Variants in INPP4B observed in about 807,000 individuals in gnomAD.
The protein encoded by INPP4B is inositol polyphosphate 4-phosphatase type II.
In INPP4B, 55 loss-of-function variants were observed where a neutral mutation model predicts 122.5. The observed-to-expected ratio is 0.45, with a 90% CI of 0.36 to 0.56. The LOEUF is 0.56. INPP4B is among the 20% of genes least tolerant of loss of function. INPP4B has a pLI of 0.00. For synonymous variants in INPP4B, 403 were observed against 388.7 expected (o/e 1.04, Z -0.43); for missense variants, 1,000 against 1,097.7 (o/e 0.91, Z 1.26).
chr4:142,275,481 A>G (rs1402944418), intron 9 of INPP4B, among the ~76,000 whole-genome samples: 1 of 151,844 alleles, frequency 6.6e-6, no homozygotes, highest in Admixed American at 6.6e-5. Flanking sequence ...ACATGTAAGC[A>G]GAAATGAAAA....
intron 23 of INPP4B, among the ~76,000 whole-genome samples, chr4:142,101,459 CTGATA>C (rs760707689): frequency 6.6e-6 from 1 of 152,130 alleles, no homozygotes; most frequent in Non-Finnish European, 1.5e-5. Flanking sequence ...ACTCTTCTCT[CTGATA>C]TATGTACCAA....
chr4:142,108,760 T>C (rs1788491638), intron 22 of INPP4B, among the ~76,000 whole-genome samples: 1 of 152,158 alleles, frequency 6.6e-6, no homozygotes, highest in Non-Finnish European at 1.5e-5. Flanking sequence ...CACGTAGTCT[T>C]CCACCAAGAG....
At chr4:142,253,235 G>A (rs987880658) in intron 11 of INPP4B, among the ~76,000 whole-genome samples, 2 of 152,186 alleles carry the variant, frequency 1.3e-5, no homozygotes, top group Non-Finnish European at 2.9e-5. Context: ...AGTGGTGGGT[G>A]AATGTGAAGT....
intron 1 of INPP4B, among the ~76,000 whole-genome samples, chr4:142,770,788 C>T (rs1366216195): frequency 6.6e-5 from 10 of 151,940 alleles, no homozygotes; most frequent in Admixed American, 6.6e-4. Context: ...GTGTGGTATC[C>T]GCTTCCAAGG....
At chr4:142,113,131 T>C (rs1791092388) in intron 21 of INPP4B, among the ~76,000 whole-genome samples, 1 of 152,132 alleles carries the variant, frequency 6.6e-6, no homozygotes, top group African/African-American at 2.4e-5. Context: ...TGAGTGTTTC[T>C]GTTTATGATG....
intron 2 of INPP4B, among the ~76,000 whole-genome samples, chr4:142,515,642 A>G (rs1580259108): frequency 6.6e-6 from 1 of 152,282 alleles, no homozygotes; most frequent in Middle Eastern, 3.4e-3. Flanking sequence ...AACTCAGAGC[A>G]GTGGGAAACA....
chr4:142,154,074 C>T (rs1218844896), intron 17 of INPP4B, among the ~76,000 whole-genome samples: 2 of 152,064 alleles, frequency 1.3e-5, no homozygotes, highest in East Asian at 3.9e-4. Flanking sequence ...ATTCAGTTGC[C>T]ATATAGGGAA....
chr4:142,350,301 C>T (rs1384427583), intron 7 of INPP4B, among the ~76,000 whole-genome samples: 1 of 151,914 alleles, frequency 6.6e-6, no homozygotes, highest in Admixed American at 6.6e-5. Flanking sequence ...TCAATAATTG[C>T]TGTCCATGTT....
At chr4:142,195,663 T>G (rs1438301613) in intron 14 of INPP4B, among the ~76,000 whole-genome samples, 1 of 152,172 alleles carries the variant, frequency 6.6e-6, no homozygotes, top group Non-Finnish European at 1.5e-5. Flanking sequence ...CTAAATGTAT[T>G]CTCACTTCAA....
intron 7 of INPP4B, among the ~76,000 whole-genome samples, chr4:142,372,962 A>G (rs964120538): frequency 1.3e-5 from 2 of 152,016 alleles, no homozygotes; most frequent in Admixed American, 1.3e-4. Context: ...AACTGCCTAC[A>G]CAATACATAC....
intron 9 of INPP4B, among the ~76,000 whole-genome samples, chr4:142,304,705 A>T (rs1762697824): frequency 6.6e-6 from 1 of 152,140 alleles, no homozygotes; most frequent in South Asian, 2.1e-4. Context: ...ATGGTATTCT[A>T]TGCAATTTTT....
chr4:142,791,935 G>A (rs562463114), intron 1 of INPP4B, among the ~76,000 whole-genome samples: 6 of 151,966 alleles, frequency 3.9e-5, no homozygotes, highest in Admixed American at 2.0e-4. Flanking sequence ...TGGCACCCAC[G>A]TATGGTTGAC....
chr4:142,477,635 G>A (rs1032406868), intron 2 of INPP4B, among the ~76,000 whole-genome samples: 1 of 152,010 alleles, frequency 6.6e-6, no homozygotes, highest in Non-Finnish European at 1.5e-5. Context: ...AACTCTCAGA[G>A]AATACTATGA....
chr4:142,295,763 A>G (rs1243375251), intron 9 of INPP4B, among the ~76,000 whole-genome samples: 1 of 137,744 alleles, frequency 7.3e-6, no homozygotes, highest in African/African-American at 2.7e-5. Context: ...TTTTTTTTTT[A>G]GAGGACTTTC....
At chr4:142,621,432 T>G (rs1435678951) in intron 2 of INPP4B, among the ~76,000 whole-genome samples, 1 of 151,968 alleles carries the variant, frequency 6.6e-6, no homozygotes, top group African/African-American at 2.4e-5. Flanking sequence ...TTGAAATTGC[T>G]TTAGATGGGT....
chr4:142,343,716 G>A (rs776263845), intron 7 of INPP4B, among the ~76,000 whole-genome samples: 4 of 152,006 alleles, frequency 2.6e-5, no homozygotes, highest in Non-Finnish European at 4.4e-5. Flanking sequence ...TGCTAATGAA[G>A]TTTAATAGTT....
intron 11 of INPP4B, among the ~76,000 whole-genome samples, chr4:142,259,764 T>C (rs985670248): frequency 6.6e-6 from 1 of 152,078 alleles, no homozygotes; most frequent in African/African-American, 2.4e-5. Flanking sequence ...AACTTTTTCT[T>C]ATTTTTACTT....
At chr4:142,666,489 C>A (rs1324834683) in intron 2 of INPP4B, among the ~76,000 whole-genome samples, 1 of 151,794 alleles carries the variant, frequency 6.6e-6, no homozygotes, top group East Asian at 1.9e-4. Context: ...TATTATACGG[C>A]AAATAAAATC....
intron 23 of INPP4B, among the ~76,000 whole-genome samples, chr4:142,095,106 A>C (rs555635653): frequency 6.6e-6 from 1 of 152,292 alleles, no homozygotes; most frequent in East Asian, 1.9e-4. Flanking sequence ...TTTCCGACCC[A>C]CTTGATAAAG....
Sources: allele counts gnomAD v4.1 joint callset (sites outside exome capture counted in the v4.1 genomes callset), GRCh38; gene constraint gnomAD v4.1.1; transcripts MANE v1.5; gene names NCBI Gene and HGNC (gene_info 2026-07-23, HGNC 2026-07-21).